The following FBXO9 variants were observed in gnomAD, a reference collection of about 807,000 sequenced individuals.
The protein encoded by FBXO9 is F-box protein 9.
In FBXO9, 43 loss-of-function variants were observed where a neutral mutation model predicts 63.7. The observed-to-expected ratio is 0.67, with a 90% confidence interval of 0.53 to 0.87. FBXO9 has a LOEUF of 0.87. FBXO9 is among the 40% of genes least tolerant of loss of function. The pLI, the probability that FBXO9 is intolerant of heterozygous loss-of-function variation, is 0.00. For missense variants in FBXO9, 442 were observed against 533.2 expected, an observed-to-expected ratio of 0.83 and a Z score of 1.68; for synonymous variants, 156 against 171.7, an observed-to-expected ratio of 0.91 and a Z score of 0.72.
intron 1 of FBXO9, chr6:53,066,015 C>A (rs1768686187): frequency 2.5e-6 from 3 of 1,211,904 alleles, no homozygotes; most frequent in South Asian, 8.1e-5. Context: ...GCCTCCCCAA[C>A]CCCCGCCGAG....
At chr6:53,083,325 C>T (rs1005593367) in intron 7 of FBXO9, among the ~76,000 whole-genome samples, 1 of 152,100 alleles carries the variant, frequency 6.6e-6, no homozygotes, top group Non-Finnish European at 1.5e-5. Flanking sequence ...ATTCTGTGTG[C>T]TAGTATATTT....
chr6:53,088,161 A>G (rs541049621), intron 7 of FBXO9, among the ~76,000 whole-genome samples: 1 of 152,172 alleles, frequency 6.6e-6, no homozygotes, highest in South Asian at 2.1e-4. Flanking sequence ...TTCTTATGCC[A>G]TATTTTGAAA....
intron 1 of FBXO9, chr6:53,067,931 T>C (rs1768765310): frequency 6.6e-6 from 1 of 152,180 alleles, no homozygotes; most frequent in Non-Finnish European, 1.5e-5. Context: ...GTGCCCAGCA[T>C]TTTACCATAT....
intron 5 of FBXO9, among the ~76,000 whole-genome samples, chr6:53,080,642 C>T (rs977346167): frequency 2.6e-5 from 4 of 152,144 alleles, no homozygotes; most frequent in East Asian, 1.9e-4. Flanking sequence ...GAACATACTA[C>T]GTTAAGATTT....
intron 3 of FBXO9, among the ~76,000 whole-genome samples, 168 bp from the exon 4 acceptor site, chr6:53,076,318 T>G (rs1019356722): frequency 3.9e-5 from 6 of 152,334 alleles, no homozygotes; most frequent in African/African-American, 1.4e-4. Flanking sequence ...AAGTCCATGA[T>G]CCAGTCAAGT....
intron 2 of FBXO9, 148 bp downstream of exon 2, chr6:53,071,291 A>G (rs1251428958): frequency 1.2e-5 from 9 of 734,990 alleles, no homozygotes; most frequent in Non-Finnish European, 1.7e-5. Context: ...ACTTAAAACT[A>G]TGTTATGGCT....
At chr6:53,092,636 G>A (rs552472863) in intron 8 of FBXO9, 89 bp downstream of exon 8, 2 of 1,383,102 alleles carry the variant, frequency 1.4e-6, no homozygotes, top group East Asian at 4.6e-5. Context: ...TGTGATGAAT[G>A]TGAGTACTGT....
Position 53,065,671 on chromosome 6 carries a change from T to C in FBXO9, c.-119T>C. On this transcript the variant is annotated 5_prime_UTR_variant, in exon 1 of 13. It removes the in-frame stop codon of an upstream open reading frame in the 5' UTR. Coordinates refer to ENST00000323557, the MANE Select transcript of FBXO9 (RefSeq NM_033480.3). ...GCGCTTCTCCGACCGAGAACTCTGCTAAGCTCCGCTGCAGAGACAGGCAGG... is the reference window on the plus strand; with the variant it reads ...GCGCTTCTCCGACCGAGAACTCTGCCAAGCTCCGCTGCAGAGACAGGCAGG... The C allele has an allele frequency of 8.0e-7, 1 of 1,251,018 alleles. No individual in the cohort carries two copies. Among genetic ancestry groups the C allele is most frequent in the Non-Finnish European group, 1.0e-6 (1 of 956,074 alleles). 77.5% of individuals were successfully genotyped at this position (1,251,018 alleles called of 1,614,324 possible).
rs1271127159 is a variant in FBXO9, at chr6:53,081,000, C to A, written c.440C>A (p.Ala147Glu). The A allele has an allele frequency of 6.2e-7, 1 of 1,613,696 alleles. No individual in the cohort carries two copies. Among genetic ancestry groups the A allele is most frequent in the Admixed American group, 1.7e-5 (1 of 60,024 alleles). ...GATAATGATGATGACAGCAAAATGG[C>A]AGATCTCTTGTCCTACTTCCAGCAG... ...IEDNDDDSKMADLLSYFQQQL... is the reference protein window; with the variant it reads ...IEDNDDDSKMEDLLSYFQQQL... The change falls in exon 6 of 13, where the codon GCA (alanine) becomes GAA (glutamate). Residue 147 changes from alanine to glutamate, a missense_variant. This residue lies in a region of FBXO9 where 262 missense variants were observed against 362.1 expected (regional missense o/e 0.72). Transcript: ENST00000323557.
At chr6:53,093,107 T>G (rs1379968468) in intron 9 of FBXO9, 2 of 388,762 alleles carry the variant, frequency 5.1e-6, no homozygotes, top group Admixed American at 4.1e-5. Flanking sequence ...TTGCCAAATA[T>G]TATTGTCATT....
rs1287861611 is a variant in FBXO9 at position 53,071,075 on chromosome 6, T to G, written c.22T>G (p.Cys8Gly). The change falls in exon 2 of 13, where the codon TGT becomes GGT. Residue 8 changes from cysteine to glycine, a missense_variant. Transcript: ENST00000323557. Reference protein sequence around the residue: MAEAEEDCHSDTVRADDD... With the variant: MAEAEEDGHSDTVRADDD... ...CCCTCAGGCAGAAGCTGAGGAAGAT[T>G]GTCATTCTGATACTGTCAGAGCAGA... is the stretch of plus-strand genomic sequence containing the variant. 1.3e-6 allele frequency: 2 copies of G among 1,575,048 alleles called. No homozygotes were observed. The highest frequency in any genetic ancestry group is 2.3e-5 in the South Asian group (2 of 85,680).
chr6:53,091,488 C>T (rs1763038969), intron 7 of FBXO9: 1 of 152,374 alleles, frequency 6.6e-6, no homozygotes, highest in East Asian at 1.9e-4. Flanking sequence ...CCTGCCTCGG[C>T]CTCCTGAGTA....
At position 53,098,358 on chromosome 6, in the gene FBXO9, G is replaced by A. The variant is rs1412831973; in HGVS notation, c.*528G>A. The A allele has an allele frequency of 1.3e-5, 2 of 159,862 alleles. No individual in the cohort carries two copies. Among genetic ancestry groups the A allele is most frequent in the African/African-American group, 4.8e-5 (2 of 41,530 alleles). The allele number at this position is 159,862 out of a possible 1,614,324, so 9.9% of individuals were successfully genotyped here. ...TCACCAATAAAGATCATAAATAAAT[G>A]TTTCTTTCAAGAAAATATATTTGGA... is the stretch of plus-strand genomic sequence containing the variant. On this transcript the variant is annotated 3_prime_UTR_variant, in exon 13 of 13. Coordinates refer to ENST00000323557, the MANE Select transcript of FBXO9 (RefSeq NM_033480.3).
intron 9 of FBXO9, 143 bp downstream of exon 9, chr6:53,092,967 TA>T (rs534960100): frequency 0.056 from 19,331 of 346,978 alleles, no homozygotes; most frequent in East Asian, 0.073. Context: ...GGAATTGCAC[TA>T]AAAAAAAAAA....
Position 53,093,553 on chromosome 6 carries a change from G to T in FBXO9, c.951G>T (p.Arg317Ser). The T allele has an allele frequency of 6.2e-7, 1 of 1,612,182 alleles. No homozygotes were observed. Among genetic ancestry groups the T allele is most frequent in the African/African-American group, 1.3e-5 (1 of 74,982 alleles). ...PQSIVPRLRTRNTRTDAILLG... is the reference protein window; with the variant it reads ...PQSIVPRLRTSNTRTDAILLG... ...CCATTGTTCCACGTTTAAGAACTAG[G>T]AATACCAGGTAGCATTTGTTTTTTA... The change falls in exon 10 of 13, where the codon AGG (arginine) becomes AGT (serine). Residue 317 changes from arginine (R) to serine (S), a missense_variant. This residue lies in a region of FBXO9 where 262 missense variants were observed against 362.1 expected (regional missense o/e 0.72). Coordinates refer to ENST00000323557, the MANE Select transcript of FBXO9 (RefSeq NM_033480.3).
At chr6:53,071,612 G>C (rs1169400772) in intron 2 of FBXO9, among the ~76,000 whole-genome samples, 1 of 152,122 alleles carries the variant, frequency 6.6e-6, no homozygotes, top group Non-Finnish European at 1.5e-5. Flanking sequence ...TAATACAAAT[G>C]GCCATTAAAT....
chr6:53,092,578 A>G, intron 8 of FBXO9, 31 bp downstream of exon 8: 2 of 1,552,454 alleles, frequency 1.3e-6, no homozygotes, highest in Non-Finnish European at 1.8e-6. Context: ...CTCAGCAGAA[A>G]TACTGATCTA....
chr6:53,065,394 G>C (rs897846132), upstream of FBXO9: 1 of 186,424 alleles, frequency 5.4e-6, no homozygotes, highest in Non-Finnish European at 1.1e-5. Flanking sequence ...GGGCAGCACC[G>C]GCACTGCGCA....
chr6:53,096,475 G>A (rs1469705890), intron 12 of FBXO9, among the ~76,000 whole-genome samples: 1 of 152,112 alleles, frequency 6.6e-6, no homozygotes, highest in East Asian at 1.9e-4. Context: ...CCACTTTACC[G>A]ATAACTTTTC....
Sources: allele counts gnomAD v4.1 joint callset (sites outside exome capture counted in the v4.1 genomes callset), GRCh38; gene constraint gnomAD v4.1.1; regional missense constraint gnomAD v4.1.1; transcripts MANE v1.5; gene names NCBI Gene and HGNC (gene_info 2026-07-23, HGNC 2026-07-21).